The following PKHD1L1 variants were observed in gnomAD, a reference collection of about 807,000 sequenced individuals.
PKHD1L1 encodes PKHD1 like 1, also known as fibrocystin-L.
In PKHD1L1, 434 loss-of-function variants were observed where a neutral mutation model predicts 462.9. The ratio of observed to expected loss-of-function variants is 0.94; its 90% CI spans 0.87 to 1.02. PKHD1L1 has a LOEUF of 1.02. Ranked by LOEUF, PKHD1L1 falls within the 50% of genes least tolerant of loss-of-function variation. PKHD1L1 has a pLI of 0.00. For missense variants in PKHD1L1, 5,202 were observed against 5,096.1 expected (o/e 1.02, Z -0.63); for synonymous variants, 1,781 against 1,750.0 (o/e 1.02, Z -0.44).
chr8:109,410,882 C>T (rs1351259264), intron 19 of PKHD1L1, among the ~76,000 whole-genome samples: 6 of 151,554 alleles, frequency 4.0e-5, no homozygotes, highest in African/African-American at 1.5e-4. Flanking sequence ...GCTTGCGCCA[C>T]CATGCCTGGC....
intron 21 of PKHD1L1, among the ~76,000 whole-genome samples, chr8:109,416,084 A>T (rs942864662): frequency 2.0e-5 from 3 of 152,122 alleles, no homozygotes; most frequent in Non-Finnish European, 4.4e-5. Flanking sequence ...GTATCTCTTT[A>T]GTCATGAGGT....
rs946877818 is a variant in PKHD1L1, at chr8:109,536,190, T to C, written c.*6100T>C. On this transcript the variant is annotated 3_prime_UTR_variant, in exon 78 of 78. Coordinates refer to ENST00000378402, the MANE Select transcript of PKHD1L1 (RefSeq NM_177531.6). ...TCTTGAAGATAACAAATCTGCCTGC[T>C]TCAAAGGTTTCACCGATTTTATTGC... 7.2e-5 allele frequency among the ~76,000 whole-genome samples: 11 copies of C among 152,232 alleles called. No homozygotes were observed. Among genetic ancestry groups the C allele is most frequent in the Non-Finnish European group, 4.4e-5 (3 of 68,036 alleles).
In PKHD1L1 at chr8:109,400,134, G is replaced by A. The variant is rs1813195494; in HGVS notation, c.1071G>A (p.Glu357=). 1 of 1,613,374 alleles carries A rather than the reference G, an allele frequency of 6.2e-7. No homozygotes were observed. Among genetic ancestry groups the A allele is most frequent in the Non-Finnish European group, 8.5e-7 (1 of 1,179,584 alleles). The change falls in exon 13 of 78, where the codon GAG becomes GAA. Residue 357 remains glutamate (E), a synonymous_variant. Transcript: ENST00000378402. ...WNNSRPIRLE[E]ILEYNEKTPG... is the part of the protein sequence containing the mutation. ...ATAGCCGTCCAATACGTTTGGAAGA[G>A]ATACTGGAATACAATGAAAAAACGC...
Position 109,394,402 on chromosome 8 carries a change from CTT to C in PKHD1L1, c.741-7_741-6del. 1 of 1,444,424 alleles carries C rather than the reference CTT, an allele frequency of 6.9e-7. No homozygotes were observed. Among genetic ancestry groups the C allele is most frequent in the East Asian group, 2.5e-5 (1 of 39,722 alleles). The allele number at this position is 1,444,424 out of a possible 1,614,324, so 89.5% of individuals were successfully genotyped here. ...GATCATTTAAAGCAGAAAATTTAAT[CTT>C]TTTTTAACAGGAGTTTTCCACAGAA... On this transcript the variant is annotated splice_polypyrimidine_tract_variant and intron_variant, in intron 9 of 77. Coordinates refer to ENST00000378402, the MANE Select transcript of PKHD1L1 (RefSeq NM_177531.6).
At position 109,502,023 on chromosome 8, in the gene PKHD1L1, A is replaced by G. The variant is rs376911414; in HGVS notation, c.10829-2304A>G. Among the ~76,000 whole-genome samples, 39 of 151,984 alleles carry G rather than the reference A, an allele frequency of 2.6e-4. No homozygotes were observed. In the East Asian group the frequency reaches 4.8e-3, roughly 19 times the overall value. On this transcript the variant is annotated intron_variant, in intron 67 of 77. Transcript: ENST00000378402. ...GTAGGTGACCCTGTGTACTACCCAA[A>G]TTTCTTTTAATTGGAAAGATCTTCC... is the stretch of plus-strand genomic sequence containing the variant.
At chr8:109,391,192 C>T (rs942398946) in intron 9 of PKHD1L1, among the ~76,000 whole-genome samples, 4 of 152,044 alleles carry the variant, frequency 2.6e-5, no homozygotes, top group Non-Finnish European at 5.9e-5. Flanking sequence ...AAGGATAAAC[C>T]GAGTGTTATC....
At chr8:109,423,344 T>C (rs989796177) in intron 23 of PKHD1L1, among the ~76,000 whole-genome samples, 2 of 152,164 alleles carry the variant, frequency 1.3e-5, no homozygotes, top group Non-Finnish European at 2.9e-5. Context: ...GTTCATTTGT[T>C]TGCCTATGCC....
chr8:109,476,704 T>C (rs1818006432), intron 52 of PKHD1L1, 37 bp downstream of exon 52: 12 of 1,541,224 alleles, frequency 7.8e-6, no homozygotes, highest in Admixed American at 2.1e-5. Flanking sequence ...GTTTATCTAA[T>C]GCTTTGTCTA....
chr8:109,388,024 C>T (rs1389870211), intron 6 of PKHD1L1, among the ~76,000 whole-genome samples: 4 of 152,298 alleles, frequency 2.6e-5, no homozygotes, highest in African/African-American at 9.6e-5. Context: ...TTATGTGTCA[C>T]TGATGCTGTT....
At chr8:109,416,980 A>G (rs916217994) in intron 21 of PKHD1L1, among the ~76,000 whole-genome samples, 3 of 152,122 alleles carry the variant, frequency 2.0e-5, no homozygotes, top group Non-Finnish European at 4.4e-5. Context: ...GGAACATTTT[A>G]TTGATCCTTG....
At position 109,505,699 on chromosome 8, in the gene PKHD1L1, G is replaced by A. The variant is rs530468380; in HGVS notation, c.10994+1207G>A. Among the ~76,000 whole-genome samples, 8 of 152,180 alleles carry A rather than the reference G, an allele frequency of 5.3e-5. No homozygotes were observed. The South Asian group carries it at 1.5e-3, about 28-fold the overall frequency. ...GGATTGCTTGAGCCCAGGAGTTTGAGGCCAGCCTGGGCAACATAGGGAGAT... is the reference window on the plus strand; with the variant it reads ...GGATTGCTTGAGCCCAGGAGTTTGAAGCCAGCCTGGGCAACATAGGGAGAT... On this transcript the variant is annotated intron_variant, in intron 68 of 77. Transcript: ENST00000378402.
intron 2 of PKHD1L1, among the ~76,000 whole-genome samples, chr8:109,373,665 C>T (rs546209164): frequency 2.0e-5 from 3 of 152,330 alleles, no homozygotes; most frequent in African/African-American, 7.2e-5. Context: ...TCCCTCTACA[C>T]ACTGCTTTGA....
chr8:109,508,319 A>G, intron 70 of PKHD1L1, 55 bp downstream of exon 70: 2 of 1,491,960 alleles, frequency 1.3e-6, no homozygotes, highest in South Asian at 1.3e-5. Flanking sequence ...TTGTTATTAA[A>G]TGCATGAAGC....
chr8:109,380,416 G>A (rs1315821288), intron 2 of PKHD1L1, among the ~76,000 whole-genome samples: 2 of 152,150 alleles, frequency 1.3e-5, no homozygotes, highest in African/African-American at 4.8e-5. Context: ...GTGGCAAATA[G>A]TTCCTTGTGT....
In PKHD1L1 at chr8:109,484,381, C is replaced by T. The variant is rs138309734; in HGVS notation, c.9577-663C>T. On this transcript the variant is annotated intron_variant, in intron 57 of 77. Coordinates refer to ENST00000378402, the MANE Select transcript of PKHD1L1 (RefSeq NM_177531.6). ...GAAATTTGTCCAATCTATCATGGAA[C>T]TTCCATTGGAGTGGGAGAGTCAGAT... is the stretch of plus-strand genomic sequence containing the variant. Among the ~76,000 whole-genome samples, 10 of 151,952 alleles carry T rather than the reference C, an allele frequency of 6.6e-5. No homozygotes were observed. In the East Asian group the frequency reaches 1.4e-3, roughly 21 times the overall value.
intron 50 of PKHD1L1, among the ~76,000 whole-genome samples, chr8:109,473,099 GA>G (rs1179332200): frequency 2.0e-5 from 3 of 152,076 alleles, no homozygotes; most frequent in African/African-American, 4.8e-5. Context: ...CAACATACTT[GA>G]AATGAGTGCA....
In PKHD1L1 at chr8:109,435,365, A is replaced by G. The variant is rs951606722; in HGVS notation, c.3505+11A>G. ...CTGGAAGCATAGCAGGTAATGGTTA[A>G]TAGTTTAAACAGAGAGAAAATTGCA... On this transcript the variant is annotated intron_variant, in intron 29 of 77. Coordinates refer to ENST00000378402, the MANE Select transcript of PKHD1L1 (RefSeq NM_177531.6). 5 of 1,608,142 alleles carry G rather than the reference A, an allele frequency of 3.1e-6. No homozygotes were observed. In the African/African-American group the frequency reaches 4.0e-5, roughly 13 times the overall value.
At chr8:109,386,781 C>T (rs1192252705) in intron 6 of PKHD1L1, among the ~76,000 whole-genome samples, 2 of 152,046 alleles carry the variant, frequency 1.3e-5, no homozygotes, top group East Asian at 1.9e-4. Flanking sequence ...CTAAGTCATC[C>T]GTTCCCATAA....
chr8:109,502,126 T>C (rs1279122011), intron 67 of PKHD1L1, among the ~76,000 whole-genome samples: 1 of 152,120 alleles, frequency 6.6e-6, no homozygotes, highest in African/African-American at 2.4e-5. Flanking sequence ...TGAAATGCAT[T>C]GGAATTATGT....
Sources: allele counts gnomAD v4.1 joint callset (sites outside exome capture counted in the v4.1 genomes callset), GRCh38; gene constraint gnomAD v4.1.1; transcripts MANE v1.5; gene names NCBI Gene and HGNC (gene_info 2026-07-23, HGNC 2026-07-21).